KCNH8: variants seen among roughly 807,000 people sequenced by gnomAD.
KCNH8 encodes the protein voltage-gated delayed rectifier potassium channel KCNH8.
Under a neutral mutation model 103.6 loss-of-function variants are expected in KCNH8, and 70 were observed. The observed-to-expected ratio is 0.68, with a 90% CI of 0.56 to 0.82. The LOEUF (loss-of-function observed/expected upper bound fraction) is 0.82. KCNH8 is among the 40% of genes least tolerant of loss of function. The pLI is 0.00. For synonymous variants in KCNH8, 498 were observed against 489.4 expected (o/e 1.02, Z -0.23); for missense variants, 1,217 against 1,329.9 (o/e 0.92, Z 1.32).
chr3:19,438,289 G>A lies in KCNH8; in HGVS notation c.1303G>A (p.Val435Met), dbSNP rs763311632. The stretch of plus-strand genomic sequence containing the variant: ...CTTCACGCTGAGCAGCCTCACCAGC[G>A]TGGGTTTTGGGAACGTCTCTGCTAA... ...LYFTLSSLTS[V>M]GFGNVSANTD... Residue 435 changes from valine (V) to methionine (M), a missense_variant, in exon 8 of 16, where the codon GTG (valine) becomes ATG (methionine). This residue lies in a region of KCNH8 where 415 missense variants were observed against 577.4 expected (regional missense o/e 0.72). Coordinates refer to ENST00000328405, the MANE Select transcript of KCNH8 (RefSeq NM_144633.3). 4.3e-6 allele frequency: 7 copies of A among 1,613,958 alleles called. No individual in the cohort carries two copies. The highest frequency in any genetic ancestry group is 2.2e-5 in the South Asian group (2 of 91,078).
intron 7 of KCNH8, among the ~76,000 whole-genome samples, chr3:19,416,809 G>T (rs1425544725): frequency 2.6e-5 from 4 of 152,120 alleles, no homozygotes; most frequent in African/African-American, 9.7e-5. Flanking sequence ...GCACATGGCT[G>T]AATTTTTAAA....
intron 11 of KCNH8, among the ~76,000 whole-genome samples, chr3:19,466,053 G>A (rs2067728958): frequency 1.3e-5 from 2 of 151,952 alleles, no homozygotes; most frequent in African/African-American, 4.8e-5. Flanking sequence ...TCCAACCTCA[G>A]CCTCCCATGC....
At chr3:19,165,957 A>G (rs149736729) in intron 1 of KCNH8, among the ~76,000 whole-genome samples, 4 of 152,316 alleles carry the variant, frequency 2.6e-5, no homozygotes, top group Admixed American at 6.5e-5. Flanking sequence ...AGCCAGCCCA[A>G]TAACACAAAT....
intron 15 of KCNH8, among the ~76,000 whole-genome samples, chr3:19,521,677 A>C (rs1250313072): frequency 6.6e-6 from 1 of 152,010 alleles, no homozygotes; most frequent in Non-Finnish European, 1.5e-5. Flanking sequence ...ACTTTTTGCT[A>C]TAAACATACT....
At chr3:19,476,485 T>A (rs993195128) in intron 11 of KCNH8, among the ~76,000 whole-genome samples, 5 of 152,162 alleles carry the variant, frequency 3.3e-5, no homozygotes, top group Non-Finnish European at 7.4e-5. Flanking sequence ...TTGTGTTTCT[T>A]TACAATTACA....
intron 11 of KCNH8, among the ~76,000 whole-genome samples, chr3:19,474,803 C>T (rs1163806873): frequency 1.3e-5 from 2 of 152,170 alleles, no homozygotes; most frequent in South Asian, 2.1e-4. Flanking sequence ...CATTCATAAA[C>T]AGTCCCGAGT....
At chr3:19,528,300 T>G (rs2069100607) in intron 15 of KCNH8, among the ~76,000 whole-genome samples, 1 of 152,042 alleles carries the variant, frequency 6.6e-6, no homozygotes, top group Non-Finnish European at 1.5e-5. Flanking sequence ...TTAATTGAAT[T>G]CATCACTTGG....
intron 1 of KCNH8, among the ~76,000 whole-genome samples, chr3:19,230,901 A>G (rs2063987006): frequency 6.6e-6 from 1 of 152,238 alleles, no homozygotes; most frequent in African/African-American, 2.4e-5. Context: ...TACCATTTGA[A>G]TCAAAACTTT....
At position 19,507,359 on chromosome 3, in the gene KCNH8, G is replaced by C. The variant is rs376460358; in HGVS notation, c.2041-3004G>C. Among the ~76,000 whole-genome samples, 30 of 152,318 alleles carry C rather than the reference G, an allele frequency of 2.0e-4. No homozygotes were observed. In the East Asian group the frequency reaches 3.5e-3, roughly 18 times the overall value. On this transcript the variant is annotated intron_variant, in intron 11 of 15. Coordinates refer to ENST00000328405, the MANE Select transcript of KCNH8 (RefSeq NM_144633.3). ...AGTATCAGTGGGTGTGCTCAGCTAT[G>C]ATGAGGAGGCTGATCTGTGGTCCGG...
chr3:19,238,770 C>T (rs2064096927), intron 1 of KCNH8, among the ~76,000 whole-genome samples: 1 of 152,120 alleles, frequency 6.6e-6, no homozygotes, highest in Non-Finnish European at 1.5e-5. Context: ...GGTCTTTTTC[C>T]TCAATGAGCT....
chr3:19,448,521 T>G (rs542583694), intron 8 of KCNH8, among the ~76,000 whole-genome samples: 16 of 152,196 alleles, frequency 1.1e-4, no homozygotes, highest in African/African-American at 3.6e-4. Flanking sequence ...AATGTAAGAT[T>G]AGAATTAAGT....
chr3:19,174,944 C>T (rs2125196678), intron 1 of KCNH8, among the ~76,000 whole-genome samples: 1 of 152,154 alleles, frequency 6.6e-6, no homozygotes, highest in South Asian at 2.1e-4. Context: ...TTGAATTAGG[C>T]ACTAATAATT....
chr3:19,150,310 C>T (rs1228236135), intron 1 of KCNH8, among the ~76,000 whole-genome samples: 1 of 152,008 alleles, frequency 6.6e-6, no homozygotes, highest in Non-Finnish European at 1.5e-5. Flanking sequence ...TACTATTTTA[C>T]TATTCATTAC....
intron 2 of KCNH8, among the ~76,000 whole-genome samples, chr3:19,268,011 T>C (rs964259173): frequency 6.6e-6 from 1 of 152,166 alleles, no homozygotes; most frequent in Non-Finnish European, 1.5e-5. Flanking sequence ...AGTATTACTA[T>C]TACAAAGTTT....
chr3:19,263,081 C>A (rs2064458303), intron 2 of KCNH8, among the ~76,000 whole-genome samples: 1 of 151,986 alleles, frequency 6.6e-6, no homozygotes, highest in South Asian at 2.1e-4. Flanking sequence ...CTGAAAGCAT[C>A]CAAGTGAGCC....
chr3:19,436,998 G>C (rs1321603788), intron 7 of KCNH8, among the ~76,000 whole-genome samples: 1 of 151,952 alleles, frequency 6.6e-6, no homozygotes, highest in East Asian at 1.9e-4. Flanking sequence ...ACTTCTCCTT[G>C]GTCTCAAGGA....
chr3:19,247,850 G>A (rs759923859), intron 1 of KCNH8, among the ~76,000 whole-genome samples: 1 of 152,050 alleles, frequency 6.6e-6, no homozygotes, highest in Non-Finnish European at 1.5e-5. Flanking sequence ...TATTACACTC[G>A]GTGCTGAGAT....
chr3:19,473,001 C>T (rs2067895368), intron 11 of KCNH8, among the ~76,000 whole-genome samples: 1 of 152,066 alleles, frequency 6.6e-6, no homozygotes, highest in African/African-American at 2.4e-5. Context: ...ACTTTTAATC[C>T]TTGCATTGTT....
At chr3:19,173,057 T>C (rs1017467667) in intron 1 of KCNH8, among the ~76,000 whole-genome samples, 2 of 152,200 alleles carry the variant, frequency 1.3e-5, no homozygotes, top group African/African-American at 4.8e-5. Flanking sequence ...TAGGTGGCTC[T>C]CAACTCAGGC....
Sources: gnomAD v4.1 joint callset for allele counts (sites outside exome capture counted in the v4.1 genomes callset) on GRCh38, gnomAD v4.1.1 for gene constraint, gnomAD v4.1.1 regional missense constraint, MANE v1.5 for transcripts, NCBI Gene and HGNC (gene_info 2026-07-23, HGNC 2026-07-21) for gene names.